Variants in DIP2C observed in about 807,000 individuals in gnomAD.
The protein encoded by DIP2C is disco-interacting protein 2 homolog C.
DIP2C carries 33 observed loss-of-function variants against 192.4 expected under a neutral mutation model. The ratio of observed to expected loss-of-function variants is 0.17; its 90% CI spans 0.13 to 0.23. The LOEUF (loss-of-function observed/expected upper bound fraction) is 0.23, where lower values mean the gene tolerates loss of function less well. Among genes scored for constraint, DIP2C ranks in the 10% least tolerant of loss-of-function variants. The pLI, the probability that DIP2C is intolerant of heterozygous loss-of-function variation, is 1.00. For synonymous variants in DIP2C, 979 were observed against 864.1 expected (o/e 1.13, Z -2.33); for missense variants, 1,537 against 2,110.1 (o/e 0.73, Z 5.32).
intron 5 of DIP2C, among the ~76,000 whole-genome samples, chr10:422,118 G>A (rs558248744): frequency 2.0e-5 from 3 of 152,238 alleles, no homozygotes; most frequent in Admixed American, 6.5e-5. Flanking sequence ...CTCCGTTATC[G>A]GCGACGTGGT....
chr10:561,908 C>G (rs1285713822), intron 1 of DIP2C, among the ~76,000 whole-genome samples: 7 of 152,274 alleles, frequency 4.6e-5, no homozygotes, highest in Non-Finnish European at 1.0e-4. Flanking sequence ...CGTGACAGCT[C>G]TAGCCCCACC....
At chr10:601,089 C>T (rs937343660) in intron 1 of DIP2C, among the ~76,000 whole-genome samples, 9 of 152,240 alleles carry the variant, frequency 5.9e-5, no homozygotes, top group Non-Finnish European at 1.2e-4. Context: ...CTTCAGCCTA[C>T]ACTCTTTACT....
intron 1 of DIP2C, among the ~76,000 whole-genome samples, chr10:530,135 G>T (rs533696060): frequency 1.1e-4 from 17 of 152,336 alleles, no homozygotes; most frequent in African/African-American, 3.1e-4. Context: ...ACATGCCACC[G>T]TGAGCCGGGC....
At chr10:657,696 A>ACTGGACCTGCCC (rs1338120775) in intron 1 of DIP2C, among the ~76,000 whole-genome samples, 3 of 30,596 alleles carry the variant, frequency 9.8e-5, no homozygotes, top group Non-Finnish European at 1.3e-4. Flanking sequence ...TGGACCTGAC[A>ACTGGACCTGCCC]CTGGACCTGC....
At chr10:295,500 G>T (rs1364668543) in intron 32 of DIP2C, among the ~76,000 whole-genome samples, 1 of 140,636 alleles carries the variant, frequency 7.1e-6, no homozygotes. Flanking sequence ...GGCGGAGCTT[G>T]CAGTGAGCCG....
At chr10:486,981 T>G (rs1006039081) in intron 1 of DIP2C, among the ~76,000 whole-genome samples, 4 of 152,250 alleles carry the variant, frequency 2.6e-5, no homozygotes, top group African/African-American at 9.6e-5. Context: ...TCACAAGGAC[T>G]TGAAGCCGCC....
intron 1 of DIP2C, among the ~76,000 whole-genome samples, chr10:536,081 C>G (rs549656837): frequency 6.6e-6 from 1 of 152,322 alleles, no homozygotes; most frequent in South Asian, 2.1e-4. Context: ...CTCTCCCAGT[C>G]TGGGAGCCAG....
chr10:627,826 G>A (rs1854291206), intron 1 of DIP2C, among the ~76,000 whole-genome samples: 5 of 152,210 alleles, frequency 3.3e-5, no homozygotes, highest in East Asian at 1.9e-4. Flanking sequence ...AGGCACCACC[G>A]TGGTACACGT....
chr10:291,845 T>C (rs1955511294), intron 32 of DIP2C, among the ~76,000 whole-genome samples: 1 of 152,220 alleles, frequency 6.6e-6, no homozygotes, highest in African/African-American at 2.4e-5. Context: ...CACCAAGGCG[T>C]TGCCTGGCAC....
At chr10:517,838 TAAC>T (rs1846456041) in intron 1 of DIP2C, among the ~76,000 whole-genome samples, 2 of 152,274 alleles carry the variant, frequency 1.3e-5, no homozygotes, top group South Asian at 4.1e-4. Flanking sequence ...TGGTGCTTTT[TAAC>T]AAGAGGGTCC....
intron 1 of DIP2C, among the ~76,000 whole-genome samples, chr10:599,598 G>C (rs1851927119): frequency 6.6e-6 from 1 of 152,180 alleles, no homozygotes; most frequent in African/African-American, 2.4e-5. Context: ...ATGTTAACCT[G>C]AAAAGGGCAA....
At chr10:476,946 G>A (rs909380847) in intron 2 of DIP2C, among the ~76,000 whole-genome samples, 4 of 150,254 alleles carry the variant, frequency 2.7e-5, no homozygotes, top group African/African-American at 9.8e-5. Context: ...CGGTGGAGCT[G>A]GCCACAGGAT....
At chr10:567,183 T>G (rs907191619) in intron 1 of DIP2C, among the ~76,000 whole-genome samples, 1 of 135,494 alleles carries the variant, frequency 7.4e-6, no homozygotes, top group Non-Finnish European at 1.5e-5. Context: ...TTTGGGGGGT[T>G]TTTTGTTTTG....
intron 4 of DIP2C, among the ~76,000 whole-genome samples, chr10:427,103 C>G (rs1235676012): frequency 6.6e-6 from 1 of 152,222 alleles, no homozygotes; most frequent in Non-Finnish European, 1.5e-5. Context: ...TATCTATTAT[C>G]CTACAGATGG....
At chr10:629,231 T>C (rs1213798472) in intron 1 of DIP2C, among the ~76,000 whole-genome samples, 1 of 152,122 alleles carries the variant, frequency 6.6e-6, no homozygotes, top group Non-Finnish European at 1.5e-5. Flanking sequence ...GTCATCCTAT[T>C]AATTCTCCTC....
intron 4 of DIP2C, chr10:437,547 T>C (rs1022976146): frequency 7.2e-5 from 11 of 152,298 alleles, no homozygotes; most frequent in Admixed American, 2.0e-4. Context: ...GTGCGTCTCA[T>C]TCATTCTCCT....
chr10:332,925 CAG>C (rs922614473), intron 29 of DIP2C, among the ~76,000 whole-genome samples: 3 of 152,332 alleles, frequency 2.0e-5, no homozygotes, highest in Admixed American at 6.5e-5. Context: ...ATTGTTGAGA[CAG>C]AGTCTCACTC....
Position 344,657 on chromosome 10 carries a change from C to A in DIP2C, c.3453+152G>T, listed in dbSNP as rs185237687. The A allele has an allele frequency of 1.5e-5, 10 of 659,506 alleles. No homozygotes were observed. In the African/African-American group the frequency reaches 1.8e-4, roughly 12 times the overall value. 40.9% of individuals were successfully genotyped at this position (659,506 alleles called of 1,614,324 possible). On this transcript the variant is annotated intron_variant, in intron 28 of 36. Coordinates refer to ENST00000280886, the MANE Select transcript of DIP2C (RefSeq NM_014974.3). ...CTGGTTAAGGATGGAAATGGTCATA[C>A]GTGTCATACCGTGAATGAAACACGT...
At chr10:361,210 G>A (rs1430941355) in intron 22 of DIP2C, among the ~76,000 whole-genome samples, 1 of 152,150 alleles carries the variant, frequency 6.6e-6, no homozygotes, top group African/African-American at 2.4e-5. Flanking sequence ...ATCACATGAA[G>A]CTTCATTTAA....
Sources: allele counts gnomAD v4.1 joint callset (sites outside exome capture counted in the v4.1 genomes callset), GRCh38; gene constraint gnomAD v4.1.1; transcripts MANE v1.5; gene names NCBI Gene and HGNC (gene_info 2026-07-23, HGNC 2026-07-21).